DYNC1I1: variants seen among roughly 807,000 people sequenced by gnomAD.
DYNC1I1 encodes the protein dynein cytoplasmic 1 intermediate chain 1, also known as cytoplasmic dynein 1 intermediate chain 1.
In DYNC1I1, 43 loss-of-function variants were observed where a neutral mutation model predicts 86.6. The ratio of observed to expected loss-of-function variants is 0.50; its 90% CI spans 0.39 to 0.64. The LOEUF (loss-of-function observed/expected upper bound fraction) is 0.64, where lower values mean the gene tolerates loss of function less well. Among genes scored for constraint, DYNC1I1 ranks in the 30% least tolerant of loss-of-function variants. The pLI, the probability that DYNC1I1 is intolerant of heterozygous loss-of-function variation, is 0.00. For synonymous variants in DYNC1I1, 262 were observed against 283.7 expected, an observed-to-expected ratio of 0.92 and a Z score of 0.77; for missense variants, 604 against 788.8, an observed-to-expected ratio of 0.77 and a Z score of 2.81.
chr7:96,046,515 A>C (rs1237695627), intron 14 of DYNC1I1, among the ~76,000 whole-genome samples: 1 of 152,242 alleles, frequency 6.6e-6, no homozygotes, highest in African/African-American at 2.4e-5. Context: ...GAGCGTAAAT[A>C]ACTTGCCTGA....
chr7:95,810,039 G>A (rs1034105845), intron 2 of DYNC1I1, among the ~76,000 whole-genome samples: 16 of 152,104 alleles, frequency 1.1e-4, no homozygotes, highest in African/African-American at 3.6e-4. Flanking sequence ...ATCAATAACT[G>A]ATATCCCAGA....
intron 14 of DYNC1I1, among the ~76,000 whole-genome samples, chr7:96,058,987 C>G (rs531548264): frequency 6.6e-6 from 1 of 151,980 alleles, no homozygotes; most frequent in South Asian, 2.1e-4. Flanking sequence ...TATAAAGTTG[C>G]CACAAATGCC....
At chr7:96,078,671 T>G (rs1790419136) in intron 15 of DYNC1I1, among the ~76,000 whole-genome samples, 1 of 152,154 alleles carries the variant, frequency 6.6e-6, no homozygotes, top group African/African-American at 2.4e-5. Context: ...CGTATTAAGA[T>G]TAAACATTTT....
intron 6 of DYNC1I1, among the ~76,000 whole-genome samples, chr7:95,948,756 A>G (rs1330261890): frequency 6.6e-6 from 1 of 152,194 alleles, no homozygotes; most frequent in Non-Finnish European, 1.5e-5. Context: ...TTCCAAAACA[A>G]GTGGGCATAC....
At chr7:95,783,642 G>A (rs1369780933) in intron 1 of DYNC1I1, among the ~76,000 whole-genome samples, 1 of 152,172 alleles carries the variant, frequency 6.6e-6, no homozygotes, top group Non-Finnish European at 1.5e-5. Context: ...TTTGCAGACT[G>A]ACCAGACATC....
intron 10 of DYNC1I1, among the ~76,000 whole-genome samples, chr7:96,016,410 A>G (rs1320950704): frequency 6.6e-6 from 1 of 151,666 alleles, no homozygotes; most frequent in Admixed American, 6.6e-5. Flanking sequence ...CTCCAAATGT[A>G]GATTTATTTT....
intron 14 of DYNC1I1, among the ~76,000 whole-genome samples, chr7:96,061,955 TTTTG>T (rs755098567): frequency 1.3e-5 from 2 of 152,130 alleles, no homozygotes; most frequent in Non-Finnish European, 2.9e-5. Context: ...TGGATTTCAT[TTTTG>T]TTTGTCCTAT....
At chr7:96,062,160 G>A (rs1789801020) in intron 14 of DYNC1I1, among the ~76,000 whole-genome samples, 1 of 152,126 alleles carries the variant, frequency 6.6e-6, no homozygotes, top group African/African-American at 2.4e-5. Context: ...AGAAGATGAT[G>A]GTATTTTCTA....
intron 14 of DYNC1I1, among the ~76,000 whole-genome samples, chr7:96,042,887 G>A (rs373388376): frequency 2.2e-4 from 34 of 152,138 alleles, no homozygotes; most frequent in African/African-American, 7.0e-4. Context: ...ATGGGCCGGG[G>A]ACTGTGGCTC....
chr7:95,980,432 A>G (rs1256549941), intron 7 of DYNC1I1, among the ~76,000 whole-genome samples: 1 of 151,470 alleles, frequency 6.6e-6, no homozygotes, highest in East Asian at 1.9e-4. Flanking sequence ...TCCATTACGA[A>G]CCTTGCGTTT....
At chr7:95,812,735 A>G (rs1156324169) in intron 3 of DYNC1I1, among the ~76,000 whole-genome samples, 1 of 152,192 alleles carries the variant, frequency 6.6e-6, no homozygotes, top group Non-Finnish European at 1.5e-5. Context: ...CTTATATTCC[A>G]CAGAGTACAT....
intron 16 of DYNC1I1, among the ~76,000 whole-genome samples, chr7:96,106,126 C>T (rs1392279398): frequency 1.3e-5 from 2 of 152,128 alleles, no homozygotes; most frequent in Non-Finnish European, 2.9e-5. Flanking sequence ...TGTTTATTCA[C>T]TTTTTCTTCT....
At chr7:95,945,202 T>A (rs932865331) in intron 6 of DYNC1I1, among the ~76,000 whole-genome samples, 5 of 152,010 alleles carry the variant, frequency 3.3e-5, no homozygotes, top group African/African-American at 1.2e-4. Context: ...TTGTATGTAT[T>A]TGGAGGTAGA....
At chr7:95,832,417 C>T (rs371044250) in intron 5 of DYNC1I1, among the ~76,000 whole-genome samples, 8 of 151,572 alleles carry the variant, frequency 5.3e-5, no homozygotes, top group African/African-American at 1.5e-4. Context: ...TGAATAGTGC[C>T]GCAATAAACA....
chr7:96,035,467 G>A, intron 12 of DYNC1I1, 152 bp from the exon 13 acceptor site: 3 of 959,176 alleles, frequency 3.1e-6, no homozygotes, highest in Non-Finnish European at 4.3e-6. Flanking sequence ...TGAATGTCAG[G>A]GGCAGTAAAG....
chr7:95,965,829 G>T (rs1174282536), intron 6 of DYNC1I1, among the ~76,000 whole-genome samples: 3 of 152,178 alleles, frequency 2.0e-5, no homozygotes, highest in African/African-American at 7.2e-5. Context: ...TATGCCAAAA[G>T]AAAGTTTGTT....
intron 16 of DYNC1I1, among the ~76,000 whole-genome samples, chr7:96,109,026 A>G (rs998028743): frequency 4.6e-5 from 7 of 152,128 alleles, no homozygotes; most frequent in African/African-American, 1.7e-4. Context: ...ATAACATTCT[A>G]TAACATCTTC....
At position 96,084,710 on chromosome 7, in the gene DYNC1I1, A is replaced by G. The variant is rs114719168; in HGVS notation, c.1776+4222A>G. Among the ~76,000 whole-genome samples the G allele has an allele frequency of 5.6e-3, 854 of 152,106 alleles. 7 individuals carry two copies. The highest frequency in any genetic ancestry group is 0.02 in the African/African-American group (814 of 41,516). On this transcript the variant is annotated intron_variant, in intron 16 of 16. Coordinates refer to ENST00000447467, the MANE Select transcript of DYNC1I1 (RefSeq NM_001135556.2). Reference sequence around the variant, plus strand: ...AGTACTGAGATTACAGATTTGAGCCACTGCACCCTGCCTCATTACCTGTTT... The same window carrying G: ...AGTACTGAGATTACAGATTTGAGCCGCTGCACCCTGCCTCATTACCTGTTT...
intron 16 of DYNC1I1, among the ~76,000 whole-genome samples, chr7:96,090,995 C>G (rs888131843): frequency 2.6e-5 from 4 of 152,148 alleles, no homozygotes; most frequent in African/African-American, 7.2e-5. Flanking sequence ...CTTGGTCGTT[C>G]AGTGGCTGTT....
Sources: gnomAD v4.1 joint callset for allele counts (sites outside exome capture counted in the v4.1 genomes callset) on GRCh38, gnomAD v4.1.1 for gene constraint, MANE v1.5 for transcripts, NCBI Gene and HGNC (gene_info 2026-07-23, HGNC 2026-07-21) for gene names.